SP100: variants seen among roughly 807,000 people sequenced by gnomAD.
SP100 encodes nuclear autoantigen Sp-100.
In SP100, 84 loss-of-function variants were observed where a neutral mutation model predicts 130.0. That is an observed-to-expected ratio of 0.65 (90% CI 0.54 to 0.77). The LOEUF (loss-of-function observed/expected upper bound fraction) is 0.77. Ranked by LOEUF, SP100 falls within the 30% of genes least tolerant of loss-of-function variation. SP100 has a pLI of 0.00. For synonymous variants in SP100, 331 were observed against 351.7 expected, an observed-to-expected ratio of 0.94 and a Z score of 0.66; for missense variants, 978 against 1,052.2, an observed-to-expected ratio of 0.93 and a Z score of 0.97.
At chr2:230,503,162 T>C in intron 20 of SP100, 52 bp downstream of exon 20, 1 of 1,314,076 alleles carries the variant, frequency 7.6e-7, no homozygotes, top group Non-Finnish European at 1.1e-6. Context: ...TAATATTTAA[T>C]ATTCTGTACT....
intron 4 of SP100, among the ~76,000 whole-genome samples, chr2:230,445,946 G>A (rs938382677): frequency 1.3e-5 from 2 of 151,902 alleles, no homozygotes; most frequent in Non-Finnish European, 2.9e-5. Flanking sequence ...CCCACCATCA[G>A]GGAGATGCTG....
chr2:230,488,982 C>CT (rs1416496257), intron 17 of SP100, among the ~76,000 whole-genome samples: 1 of 152,036 alleles, frequency 6.6e-6, no homozygotes, highest in Non-Finnish European at 1.5e-5. Flanking sequence ...CTGAAGTTTC[C>CT]TTTTTTTATT....
At chr2:230,443,347 G>A (rs2063546297) in intron 3 of SP100, among the ~76,000 whole-genome samples, 1 of 152,220 alleles carries the variant, frequency 6.6e-6, no homozygotes, top group Admixed American at 6.5e-5. Flanking sequence ...TGGAGTTGGA[G>A]TGAATGGTAC....
intron 23 of SP100, chr2:230,509,694 G>A (rs996928451): frequency 4.6e-5 from 7 of 152,090 alleles, no homozygotes; most frequent in African/African-American, 1.2e-4. Flanking sequence ...TCTCAGCACC[G>A]CGTGGTAACT....
chr2:230,454,540 T>C (rs550568324), intron 8 of SP100, among the ~76,000 whole-genome samples: 1 of 152,220 alleles, frequency 6.6e-6, no homozygotes, highest in Admixed American at 6.5e-5. Flanking sequence ...AATTTCTTCA[T>C]TGACCCATTG....
chr2:230,532,854 T>A (rs541851959), intron 24 of SP100, among the ~76,000 whole-genome samples: 1 of 152,162 alleles, frequency 6.6e-6, no homozygotes, highest in Non-Finnish European at 1.5e-5. Flanking sequence ...GATCTTGGCT[T>A]ACTGCAACCT....
At chr2:230,433,224 C>A (rs1345617574) in intron 2 of SP100, among the ~76,000 whole-genome samples, 1 of 152,142 alleles carries the variant, frequency 6.6e-6, no homozygotes, top group African/African-American at 2.4e-5. Flanking sequence ...ATGTGCCTAT[C>A]CAGTTATACT....
intron 8 of SP100, among the ~76,000 whole-genome samples, chr2:230,451,521 G>C (rs1017858842): frequency 6.6e-6 from 1 of 152,148 alleles, no homozygotes; most frequent in Non-Finnish European, 1.5e-5. Context: ...AGTTGTTTGA[G>C]CTCCTTATGT....
intron 2 of SP100, among the ~76,000 whole-genome samples, chr2:230,421,299 G>A (rs1389486923): frequency 6.6e-6 from 1 of 152,088 alleles, no homozygotes; most frequent in Non-Finnish European, 1.5e-5. Flanking sequence ...CTTTCTTGGG[G>A]AAACCCTCCT....
chr2:230,463,317 C>T (rs1227144061), intron 10 of SP100, among the ~76,000 whole-genome samples: 1 of 152,120 alleles, frequency 6.6e-6, no homozygotes, highest in East Asian at 1.9e-4. Flanking sequence ...ATCCTATTTG[C>T]AGCATGAGTT....
rs745371923 is a variant in SP100, at chr2:230,544,901, G to A, written c.*1955G>A. Reference sequence around the variant, plus strand: ...TACAATGAGACACCATCTCACACCAGTCAAAATGCCTCTTTCTAAAAAGTC... The same window carrying A: ...TACAATGAGACACCATCTCACACCAATCAAAATGCCTCTTTCTAAAAAGTC... On this transcript the variant is annotated 3_prime_UTR_variant, in exon 29 of 29. Coordinates refer to ENST00000340126, the MANE Select transcript of SP100 (RefSeq NM_001080391.2). Among the ~76,000 whole-genome samples the A allele has an allele frequency of 8.5e-5, 13 of 152,192 alleles. No individual in the cohort carries two copies. Among genetic ancestry groups the A allele is most frequent in the Non-Finnish European group, 7.3e-5 (5 of 68,030 alleles).
Position 230,504,188 on chromosome 2 carries a change from C to T in SP100, c.1768C>T (p.Pro590Ser). 2 of 1,601,238 alleles carry T rather than the reference C, an allele frequency of 1.2e-6. No homozygotes were observed. Among genetic ancestry groups the T allele is most frequent in the Non-Finnish European group, 1.7e-6 (2 of 1,169,722 alleles). ...RPLKRRRKRG[P>S]RIPKDENINF... ...GAAAAAAAAATGCTTCCTTGCAGGT[C>T]CAAGAATTCCCAAAGATGAAAATAT... is the stretch of plus-strand genomic sequence containing the variant. Residue 590 changes from proline (P) to serine (S), a missense_variant and splice_region_variant, in exon 21 of 29, where the codon CCA (proline) becomes TCA (serine). Transcript: ENST00000340126.
At chr2:230,495,677 T>G (rs1228921989) in intron 18 of SP100, among the ~76,000 whole-genome samples, 1 of 152,218 alleles carries the variant, frequency 6.6e-6, no homozygotes, top group East Asian at 1.9e-4. Context: ...CTTCATCAGA[T>G]CTTGTGAATT....
At chr2:230,506,581 C>A in intron 22 of SP100, 136 bp downstream of exon 22, 1 of 788,826 alleles carries the variant, frequency 1.3e-6, no homozygotes, top group Non-Finnish European at 2.0e-6. Context: ...TATGTTATTA[C>A]TAACGTTCTC....
intron 2 of SP100, among the ~76,000 whole-genome samples, chr2:230,421,915 A>G (rs1369409655): frequency 6.6e-6 from 1 of 152,082 alleles, no homozygotes; most frequent in Non-Finnish European, 1.5e-5. Context: ...TGCTTGTGAT[A>G]TTATTTGAAT....
At chr2:230,496,976 T>A (rs764977288) in intron 18 of SP100, among the ~76,000 whole-genome samples, 2 of 152,218 alleles carry the variant, frequency 1.3e-5, no homozygotes, top group Admixed American at 1.3e-4. Context: ...ATCAGTTACA[T>A]TGAAACTGAA....
Position 230,456,963 on chromosome 2 carries a change from G to A in SP100, c.821-4299G>A, listed in dbSNP as rs545680596. Among the ~76,000 whole-genome samples the A allele has an allele frequency of 1.6e-4, 24 of 152,334 alleles. 1 individual carries two copies. The South Asian group carries it at 2.3e-3, about 14-fold the overall frequency. On this transcript the variant is annotated intron_variant, in intron 8 of 28. Transcript: ENST00000340126. The stretch of plus-strand genomic sequence containing the variant: ...ATTATTGTGTTCTTTTGGTCATGTT[G>A]TGTCTCTTTGGTTTTTATGTTTCTT...
In SP100 at chr2:230,503,086, C is replaced by A. The variant is rs745634068; in HGVS notation, c.1741C>A (p.Pro581Thr). The change falls in exon 20 of 29, where the codon CCT becomes ACT. Residue 581 changes from proline to threonine, a missense_variant. Physicochemically the swap from Pro to Thr is conservative, Grantham distance 38. Coordinates refer to ENST00000340126, the MANE Select transcript of SP100 (RefSeq NM_001080391.2). Reference sequence around the variant, plus strand: ...CTCAGGAAGAAAAGCCAACACTAGACCTTTGAAAAGAAGAAGAAAAAGAGG... The same window carrying A: ...CTCAGGAAGAAAAGCCAACACTAGAACTTTGAAAAGAAGAAGAAAAAGAGG... ...QQRGRKANTRPLKRRRKRGPR... is the reference protein window; with the variant it reads ...QQRGRKANTRTLKRRRKRGPR... 6.2e-7 allele frequency: 1 copy of A among 1,602,912 alleles called. No individual in the cohort carries two copies. The highest frequency in any genetic ancestry group is 8.5e-7 in the Non-Finnish European group (1 of 1,172,694).
chr2:230,536,850 G>T (rs1691963598), intron 24 of SP100, among the ~76,000 whole-genome samples: 1 of 152,054 alleles, frequency 6.6e-6, no homozygotes, highest in African/African-American at 2.4e-5. Flanking sequence ...CAAAATCATG[G>T]GTGACTTCCC....
Sources: gnomAD v4.1 joint callset for allele counts (sites outside exome capture counted in the v4.1 genomes callset) on GRCh38, gnomAD v4.1.1 for gene constraint, MANE v1.5 for transcripts, NCBI Gene and HGNC (gene_info 2026-07-23, HGNC 2026-07-21) for gene names.